SPTBN1: variants seen among roughly 807,000 people sequenced by gnomAD.
SPTBN1 encodes spectrin beta chain, non-erythrocytic 1.
A neutral mutation model predicts 266.4 loss-of-function variants in SPTBN1; 32 were observed. The observed-to-expected ratio is 0.12, with a 90% confidence interval of 0.09 to 0.16. SPTBN1 has a LOEUF of 0.16. SPTBN1 is among the 10% of genes least tolerant of loss of function. The pLI is 1.00. For missense variants in SPTBN1, 2,296 were observed against 3,067.1 expected, an observed-to-expected ratio of 0.75 and a Z score of 5.94; for synonymous variants, 1,336 against 1,162.2, an observed-to-expected ratio of 1.15 and a Z score of -3.04.
Position 54,533,900 on chromosome 2 carries a change from TCACACACACACA to T in SPTBN1, c.148+7350_148+7361del, listed in dbSNP as rs70944176. ...ATTGATCTCTCTCTCTGTCTCTCTC[TCACACACACACA>T]CACACACACACACACGCACGCACGC... On this transcript the variant is annotated intron_variant, in intron 2 of 35. Coordinates refer to ENST00000356805, the MANE Select transcript of SPTBN1 (RefSeq NM_003128.3). This position sits in a 1 kb window ranked among gnomAD's most constrained non-coding sequence, Gnocchi z 4.2. 2.7e-5 allele frequency among the ~76,000 whole-genome samples: 4 copies of T among 150,216 alleles called. No individual in the cohort carries two copies. Among genetic ancestry groups the T allele is most frequent in the African/African-American group, 4.9e-5 (2 of 40,816 alleles).
At chr2:54,625,106 A>G in intron 11 of SPTBN1, 144 bp downstream of exon 11, 3 of 886,504 alleles carry the variant, frequency 3.4e-6, no homozygotes, top group Admixed American at 6.7e-5. Context: ...GCCCCTTCCC[A>G]TTAAGAGGAT....
At chr2:54,579,510 C>T (rs760224014) in intron 2 of SPTBN1, among the ~76,000 whole-genome samples, 30 of 152,294 alleles carry the variant, frequency 2.0e-4, no homozygotes, top group Middle Eastern at 6.8e-3. Flanking sequence ...GTAGCATTAG[C>T]GCACGTGCTA....
intron 1 of SPTBN1, among the ~76,000 whole-genome samples, chr2:54,462,567 C>T (rs1225388466): frequency 6.6e-6 from 1 of 152,154 alleles, no homozygotes; most frequent in Admixed American, 6.5e-5. Flanking sequence ...TTATTGGATA[C>T]ATTATCTTGC....
chr2:54,621,359 T>C, intron 7 of SPTBN1, 41 bp from the exon 8 acceptor site: 1 of 1,489,460 alleles, frequency 6.7e-7, no homozygotes, highest in Non-Finnish European at 9.3e-7. Context: ...TGGGGCACAG[T>C]AGCATGCAAC....
At chr2:54,578,304 C>A (rs1674627825) in intron 2 of SPTBN1, among the ~76,000 whole-genome samples, 1 of 152,194 alleles carries the variant, frequency 6.6e-6, no homozygotes, top group Non-Finnish European at 1.5e-5. Flanking sequence ...GAAACCACAT[C>A]TGAAGTTCAG....
At position 54,533,026 on chromosome 2, in the gene SPTBN1, TC is replaced by T. The variant is rs1671351468; in HGVS notation, c.148+6461del. Among the ~76,000 whole-genome samples the T allele has an allele frequency of 6.6e-6, 1 of 152,156 alleles. No individual in the cohort carries two copies. Among genetic ancestry groups the T allele is most frequent in the Non-Finnish European group, 1.5e-5 (1 of 68,020 alleles). ...TTAAAGGAAGCATTTGACAGTCGCT[TC>T]TTTTTAGCATATCTGAATTGCCAGC... is the stretch of plus-strand genomic sequence containing the variant. On this transcript the variant is annotated intron_variant, in intron 2 of 35. Coordinates refer to ENST00000356805, the MANE Select transcript of SPTBN1 (RefSeq NM_003128.3). This position sits in a 1 kb window ranked among gnomAD's most constrained non-coding sequence, Gnocchi z 4.2.
At chr2:54,514,321 TA>T (rs1361043871) in intron 1 of SPTBN1, among the ~76,000 whole-genome samples, 1 of 152,212 alleles carries the variant, frequency 6.6e-6, no homozygotes, top group African/African-American at 2.4e-5. Context: ...AGTGAAATCT[TA>T]AAAAACAATT....
chr2:54,647,660 C>T (rs992447351), intron 24 of SPTBN1, among the ~76,000 whole-genome samples: 3 of 151,972 alleles, frequency 2.0e-5, no homozygotes, highest in Admixed American at 6.6e-5. Context: ...GGCAATGTGG[C>T]GAAACCTCAT....
chr2:54,571,114 G>A (rs1484937279), intron 2 of SPTBN1, among the ~76,000 whole-genome samples: 1 of 152,192 alleles, frequency 6.6e-6, no homozygotes, highest in African/African-American at 2.4e-5. Context: ...GGAAGTCTGC[G>A]GTGAAGAGTG....
Position 54,649,275 on chromosome 2 carries a change from T to C in SPTBN1, c.5202+85T>C, listed in dbSNP as rs1680114252. 1 of 1,404,952 alleles carries C rather than the reference T, an allele frequency of 7.1e-7. No homozygotes were observed. The highest frequency in any genetic ancestry group is 1.4e-5 in the African/African-American group (1 of 69,964). The allele number at this position is 1,404,952 out of a possible 1,614,324, so 87.0% of individuals were successfully genotyped here. A position where few individuals can be genotyped will look rare whatever the true frequency, so the allele number is the denominator to read the frequency against. On this transcript the variant is annotated intron_variant, in intron 25 of 35. Coordinates refer to ENST00000356805, the MANE Select transcript of SPTBN1 (RefSeq NM_003128.3). The surrounding 1 kb of genome is among the most constrained non-coding windows in gnomAD (Gnocchi z 6.7). The stretch of plus-strand genomic sequence containing the variant: ...TTTGCATTCCTTGTCTGTGAGCAGA[T>C]AAAATGCCCTGGACTCCAATCAGAG...
intron 3 of SPTBN1, among the ~76,000 whole-genome samples, chr2:54,608,497 G>A (rs1267251913): frequency 6.6e-6 from 1 of 152,130 alleles, no homozygotes; most frequent in Admixed American, 6.5e-5. Flanking sequence ...GGCTGAGTGC[G>A]TTCTTCTACA....
chr2:54,460,151 C>T (rs1032229339), intron 1 of SPTBN1, among the ~76,000 whole-genome samples: 1 of 152,190 alleles, frequency 6.6e-6, no homozygotes, highest in Non-Finnish European at 1.5e-5. Flanking sequence ...CTCAGCCAAT[C>T]GGAATCAACA....
intron 1 of SPTBN1, among the ~76,000 whole-genome samples, chr2:54,468,926 A>T (rs1196570457): frequency 1.3e-5 from 2 of 152,144 alleles, no homozygotes; most frequent in African/African-American, 4.8e-5. Context: ...TGGTTATTAT[A>T]ATCTTGGTTT....
At chr2:54,564,441 C>G (rs985054073) in intron 2 of SPTBN1, among the ~76,000 whole-genome samples, 2 of 152,144 alleles carry the variant, frequency 1.3e-5, no homozygotes, top group Non-Finnish European at 2.9e-5. Context: ...TTCATGGCTT[C>G]CTAAAGTGTC....
intron 26 of SPTBN1, chr2:54,652,955 T>C (rs1045213681): frequency 6.6e-6 from 1 of 152,212 alleles, no homozygotes; most frequent in Admixed American, 6.5e-5. Context: ...AATATGTAGA[T>C]GTAAGTAGAA....
At position 54,646,987 on chromosome 2, in the gene SPTBN1, G is replaced by T. The variant is rs529154002; in HGVS notation, c.4867-144G>T. 2 of 1,181,652 alleles carry T rather than the reference G, an allele frequency of 1.7e-6. No homozygotes were observed. Among genetic ancestry groups the T allele is most frequent in the Non-Finnish European group, 2.4e-6 (2 of 850,628 alleles). 73.2% of individuals were successfully genotyped at this position (1,181,652 alleles called of 1,614,324 possible). ...ATATGGAAGCTCTTGGAACACTTCT[G>T]TGTTCCACTGTCCGTACTGCACCTC... On this transcript the variant is annotated intron_variant, in intron 23 of 35. Coordinates refer to ENST00000356805, the MANE Select transcript of SPTBN1 (RefSeq NM_003128.3). The surrounding 1 kb of genome is among the most constrained non-coding windows in gnomAD (Gnocchi z 4.4).
intron 17 of SPTBN1, among the ~76,000 whole-genome samples, chr2:54,633,321 G>A (rs1461569188): frequency 6.6e-6 from 1 of 152,182 alleles, no homozygotes; most frequent in East Asian, 1.9e-4. Context: ...GTAAATAAGA[G>A]CAAAGGTTAT....
intron 1 of SPTBN1, among the ~76,000 whole-genome samples, chr2:54,459,145 G>T (rs554286170): frequency 1.3e-5 from 2 of 152,304 alleles, no homozygotes; most frequent in East Asian, 3.9e-4. Context: ...TACACAGCAG[G>T]TGCAGAATTC....
chr2:54,661,251 C>G (rs1365144403), intron 32 of SPTBN1: 3 of 985,754 alleles, frequency 3.0e-6, no homozygotes, highest in African/African-American at 3.5e-5. Context: ...GAAATAAAAG[C>G]TGGTGACAGA....
Sources: gnomAD v4.1 joint callset for allele counts (sites outside exome capture counted in the v4.1 genomes callset) on GRCh38, gnomAD v4.1.1 for gene constraint, Gnocchi (gnomAD v3.1) non-coding constraint, MANE v1.5 for transcripts, NCBI Gene and HGNC (gene_info 2026-07-23, HGNC 2026-07-21) for gene names.